GET4: variants seen among roughly 807,000 people sequenced by gnomAD.
GET4 encodes the protein guided entry of tail-anchored proteins factor 4, also known as Golgi to ER traffic protein 4 homolog.
Under a neutral mutation model 40.0 loss-of-function variants are expected in GET4, and 20 were observed. That is an observed-to-expected ratio of 0.50 (90% CI 0.35 to 0.73). GET4 has a LOEUF of 0.73. Among genes scored for constraint, GET4 ranks in the 30% least tolerant of loss-of-function variants. The probability of loss-of-function intolerance (pLI) is 0.01; values close to 1 mark genes in which losing one functional copy is unlikely to be tolerated. For missense variants in GET4, 557 were observed against 454.0 expected, an observed-to-expected ratio of 1.23 and a Z score of -2.06; for synonymous variants, 280 against 194.6, an observed-to-expected ratio of 1.44 and a Z score of -3.65.
chr7:881,058 T>C (rs780809820), intron 1 of GET4: 2 of 151,978 alleles, frequency 1.3e-5, no homozygotes, highest in African/African-American at 4.8e-5. Flanking sequence ...AGAGACGGAG[T>C]TTCACCTTGT....
In GET4 at chr7:896,061, G is replaced by A. The variant is rs1371881411; in HGVS notation, c.*639G>A. 3 of 152,252 alleles carry A rather than the reference G, an allele frequency of 2.0e-5. No individual in the cohort carries two copies. The highest frequency in any genetic ancestry group is 2.9e-5 in the Non-Finnish European group (2 of 68,048). 9.4% of individuals were successfully genotyped at this position (152,252 alleles called of 1,614,324 possible). On this transcript the variant is annotated 3_prime_UTR_variant, in exon 9 of 9. Coordinates refer to ENST00000265857, the MANE Select transcript of GET4 (RefSeq NM_015949.3). The stretch of plus-strand genomic sequence containing the variant: ...GGCATCCCAGAGCTGCGCCCTGCTG[G>A]TCTCTGTGAGCGCCACGCTGCTGTG...
rs58878897 is a variant in GET4, at chr7:886,468, C to T, written c.235-101C>T. 3,968 of 822,996 alleles carry T rather than the reference C, an allele frequency of 4.8e-3. 104 individuals are homozygous for T. In the African/African-American group the frequency reaches 0.056, roughly 12 times the overall value. 51.0% of individuals were successfully genotyped at this position (822,996 alleles called of 1,614,324 possible). ...GTGCTCAGAAGAGACTCCTCAGCAC[C>T]GGCCGCACTCTGGCTTCTGCTGGAA... On this transcript the variant is annotated intron_variant, in intron 2 of 8. Coordinates refer to ENST00000265857, the MANE Select transcript of GET4 (RefSeq NM_015949.3).
intron 1 of GET4, among the ~76,000 whole-genome samples, chr7:879,077 C>T (rs1844032168): frequency 6.6e-6 from 1 of 152,178 alleles, no homozygotes; most frequent in Non-Finnish European, 1.5e-5. Flanking sequence ...TCACGCAGTG[C>T]AGCTCCACTC....
chr7:878,778 A>C (rs959249411), intron 1 of GET4, among the ~76,000 whole-genome samples: 1 of 151,874 alleles, frequency 6.6e-6, no homozygotes, highest in African/African-American at 2.4e-5. Context: ...ACGGGGTTTC[A>C]CCATGTTGGC....
At position 879,242 on chromosome 7, in the gene GET4, G is replaced by A. The variant is rs138279310; in HGVS notation, c.155+2442G>A. Among the ~76,000 whole-genome samples the A allele has an allele frequency of 4.3e-3, 649 of 152,348 alleles. 6 individuals carry two copies. The highest frequency in any genetic ancestry group is 0.012 in the Admixed American group (186 of 15,310). On this transcript the variant is annotated intron_variant, in intron 1 of 8. Coordinates refer to ENST00000265857, the MANE Select transcript of GET4 (RefSeq NM_015949.3). Reference sequence around the variant, plus strand: ...TCTGTCACGCCCAACCTGTGCCTGCGCCCCGCTGGCTGGAATGTAGCCTGG... The same window carrying A: ...TCTGTCACGCCCAACCTGTGCCTGCACCCCGCTGGCTGGAATGTAGCCTGG...
intron 5 of GET4, among the ~76,000 whole-genome samples, chr7:891,853 CCTGCCCCTGGGGCA>C (rs1181276715): frequency 4.6e-5 from 7 of 152,258 alleles, no homozygotes; most frequent in South Asian, 2.1e-4. Context: ...TGACAGGGGC[CCTGCCCCTGGGGCA>C]CTGAGCCCTC....
intron 6 of GET4, among the ~76,000 whole-genome samples, chr7:893,173 T>C (rs1185389130): frequency 7.2e-6 from 1 of 139,462 alleles, no homozygotes; most frequent in Non-Finnish European, 1.5e-5. Flanking sequence ...TGGTGGTGTT[T>C]GCAGGTGAGT....
intron 7 of GET4, 34 bp from the exon 8 acceptor site, chr7:893,865 C>T (rs1395200483): frequency 6.2e-7 from 1 of 1,610,024 alleles, no homozygotes; most frequent in African/African-American, 1.3e-5. Flanking sequence ...GGTCTGGGTC[C>T]ACCCCCTCTG....
intron 1 of GET4, chr7:885,411 A>T (rs750205429): frequency 2.6e-5 from 4 of 152,482 alleles, no homozygotes; most frequent in Non-Finnish European, 5.8e-5. Flanking sequence ...TCCCCACCAT[A>T]CCTCTCGCCA....
At chr7:891,304 G>GC (rs1844316726) in intron 5 of GET4, among the ~76,000 whole-genome samples, 1 of 152,318 alleles carries the variant, frequency 6.6e-6, no homozygotes, top group South Asian at 2.1e-4. Context: ...CCCTACACAC[G>GC]CCCCTCGCCT....
At chr7:891,420 C>T (rs528681824) in intron 5 of GET4, among the ~76,000 whole-genome samples, 1 of 152,302 alleles carries the variant, frequency 6.6e-6, no homozygotes, top group Non-Finnish European at 1.5e-5. Flanking sequence ...AGCATCTACC[C>T]CGCGGCCCCT....
chr7:895,315 A>G lies in GET4; in HGVS notation c.896-19A>G, dbSNP rs767474794. ...GGGAGGCTGCCCAGGCGTGACTGCC[A>G]CGGTGTTCTTCTTTCCAGGGAACCT... is the stretch of plus-strand genomic sequence containing the variant. On this transcript the variant is annotated intron_variant, in intron 8 of 8. Coordinates refer to ENST00000265857, the MANE Select transcript of GET4 (RefSeq NM_015949.3). 4.4e-6 allele frequency: 6 copies of G among 1,364,770 alleles called. No homozygotes were observed. The East Asian group carries it at 7.0e-5, about 16-fold the overall frequency. The allele number at this position is 1,364,770 out of a possible 1,614,324, so 84.5% of individuals were successfully genotyped here.
chr7:879,775 C>G (rs968441501), intron 1 of GET4: 3 of 152,226 alleles, frequency 2.0e-5, no homozygotes, highest in African/African-American at 7.2e-5. Flanking sequence ...AGAAACAAGT[C>G]TTTGATGCAT....
At chr7:877,041 T>C (rs10950881) in intron 1 of GET4, among the ~76,000 whole-genome samples, 121,790 of 151,132 alleles carry the variant, frequency 0.81, 49,214 homozygotes, top group East Asian at 1. Context: ...CCTTCCCCTC[T>C]CCTGCGTTCC....
intron 4 of GET4, 106 bp downstream of exon 4, chr7:887,625 T>G: frequency 3.3e-6 from 3 of 915,168 alleles, no homozygotes; most frequent in Non-Finnish European, 4.6e-6. Flanking sequence ...GAGATGGGGT[T>G]TCACCCTGTG....
intron 1 of GET4, chr7:882,650 C>T (rs993958471): frequency 1.3e-5 from 2 of 152,394 alleles, no homozygotes; most frequent in African/African-American, 4.8e-5. Flanking sequence ...GACCTTGCCC[C>T]GGGGATGGCG....
chr7:892,159 C>G (rs879167771), intron 5 of GET4, 119 bp from the exon 6 acceptor site: 1 of 1,005,984 alleles, frequency 9.9e-7, no homozygotes, highest in South Asian at 1.5e-5. Context: ...CCTCCATGGC[C>G]TTGGGCCGCA....
chr7:877,606 A>C (rs1175329515), intron 1 of GET4, among the ~76,000 whole-genome samples: 15 of 95,736 alleles, frequency 1.6e-4, no homozygotes, highest in South Asian at 4.3e-4. Context: ...CCTCCCCTGG[A>C]CCTCCCCCAC....
At chr7:890,380 T>C (rs181252555) in intron 4 of GET4, among the ~76,000 whole-genome samples, 2 of 52,578 alleles carry the variant, frequency 3.8e-5, no homozygotes, top group Non-Finnish European at 7.4e-5. Flanking sequence ...CAGGACGGGG[T>C]CTGGGAGTGG....
Sources: gnomAD v4.1 joint callset for allele counts (sites outside exome capture counted in the v4.1 genomes callset) on GRCh38, gnomAD v4.1.1 for gene constraint, MANE v1.5 for transcripts, NCBI Gene and HGNC (gene_info 2026-07-23, HGNC 2026-07-21) for gene names.